Variants in GRIK2 observed in about 807,000 individuals in gnomAD.
GRIK2 encodes the protein glutamate ionotropic receptor kainate type subunit 2.
GRIK2 carries 32 observed loss-of-function variants against 100.3 expected under a neutral mutation model. That is an observed-to-expected ratio of 0.32 (90% CI 0.24 to 0.43). GRIK2 has a LOEUF of 0.43. Ranked by LOEUF, GRIK2 falls within the 20% of genes least tolerant of loss-of-function variation. GRIK2 has a pLI of 1.00. For missense variants in GRIK2, 843 were observed against 1,114.9 expected (o/e 0.76, Z 3.47); for synonymous variants, 417 against 389.4 (o/e 1.07, Z -0.83).
chr6:101,858,376 A>ATT (rs66505184), intron 10 of GRIK2, among the ~76,000 whole-genome samples: 33 of 125,440 alleles, frequency 2.6e-4, no homozygotes, highest in South Asian at 2.3e-3. Context: ...CTCTCTCTCT[A>ATT]TTTTTTTTTC....
intron 7 of GRIK2, among the ~76,000 whole-genome samples, chr6:101,735,298 C>T (rs1562344436): frequency 6.6e-6 from 1 of 152,144 alleles, no homozygotes. Context: ...GAGGTACCAT[C>T]AACTTTTTTT....
intron 13 of GRIK2, among the ~76,000 whole-genome samples, chr6:101,925,173 T>C (rs1200357744): frequency 1.3e-5 from 2 of 152,168 alleles, no homozygotes; most frequent in African/African-American, 2.4e-5. Flanking sequence ...TTACTGCCTA[T>C]AAATTTGAAG....
chr6:101,528,635 G>A (rs1441207847), intron 2 of GRIK2, among the ~76,000 whole-genome samples: 1 of 152,088 alleles, frequency 6.6e-6, no homozygotes, highest in Non-Finnish European at 1.5e-5. Flanking sequence ...ACTGGCTCAG[G>A]CTCACTTTCG....
rs949458462 is a variant in GRIK2 at position 101,737,891 on chromosome 6, T to G, written c.951+51538T>G. Among the ~76,000 whole-genome samples, 8 of 152,292 alleles carry G rather than the reference T, an allele frequency of 5.3e-5. No individual in the cohort carries two copies. In the East Asian group the frequency reaches 1.5e-3, roughly 29 times the overall value. ...AACAAAAATCAATTCATGTCAGAATTGATTAAAATCAGGAAACATTTTCAA... is the reference window on the plus strand; with the variant it reads ...AACAAAAATCAATTCATGTCAGAATGGATTAAAATCAGGAAACATTTTCAA... On this transcript the variant is annotated intron_variant, in intron 7 of 16. Transcript: ENST00000369134.
intron 2 of GRIK2, among the ~76,000 whole-genome samples, chr6:101,493,829 G>T (rs1773268345): frequency 1.3e-5 from 2 of 150,022 alleles, no homozygotes; most frequent in Admixed American, 6.7e-5. Flanking sequence ...TAAAATGGGT[G>T]GTCATCAAGC....
chr6:101,607,980 TGCCA>T (rs1351241306), intron 2 of GRIK2, among the ~76,000 whole-genome samples: 1 of 151,664 alleles, frequency 6.6e-6, no homozygotes, highest in Non-Finnish European at 1.5e-5. Flanking sequence ...TCATTGTCTT[TGCCA>T]GTACCAGCTT....
intron 11 of GRIK2, among the ~76,000 whole-genome samples, chr6:101,881,867 A>G (rs1305086815): frequency 6.6e-6 from 1 of 152,048 alleles, no homozygotes; most frequent in Non-Finnish European, 1.5e-5. Flanking sequence ...AAATAAATAA[A>G]TAAGTAAATA....
At chr6:101,780,714 G>C (rs1270818498) in intron 7 of GRIK2, among the ~76,000 whole-genome samples, 1 of 152,036 alleles carries the variant, frequency 6.6e-6, no homozygotes, top group East Asian at 1.9e-4. Flanking sequence ...AAAGAGTCAA[G>C]GCAAGGAATT....
At position 101,822,479 on chromosome 6, in the gene GRIK2, C is replaced by T. The variant is rs191797339; in HGVS notation, c.1317+3996C>T. 1.9e-3 allele frequency among the ~76,000 whole-genome samples: 284 copies of T among 151,908 alleles called. 1 individual carries two copies. Among genetic ancestry groups the T allele is most frequent in the South Asian group, 5.2e-3 (25 of 4,800 alleles). On this transcript the variant is annotated intron_variant, in intron 10 of 16. Transcript: ENST00000369134. ...AACAGCATATTCAAGCATCCTAAAG[C>T]GGGAAAGGGCTTGGAAAATTTTGTG... is the stretch of plus-strand genomic sequence containing the variant.
chr6:101,475,922 C>T (rs1010940932), intron 2 of GRIK2, among the ~76,000 whole-genome samples: 1 of 151,920 alleles, frequency 6.6e-6, no homozygotes, highest in Non-Finnish European at 1.5e-5. Context: ...AGGATAAATA[C>T]TTTTAGATGC....
chr6:101,520,006 G>A (rs1048293129), intron 2 of GRIK2, among the ~76,000 whole-genome samples: 1 of 152,048 alleles, frequency 6.6e-6, no homozygotes, highest in Non-Finnish European at 1.5e-5. Flanking sequence ...TACATGAGAA[G>A]GACATCTATC....
rs561963399 is a variant in GRIK2, at chr6:101,473,846, A to G, written c.115+74454A>G. Among the ~76,000 whole-genome samples, 50 of 152,056 alleles carry G rather than the reference A, an allele frequency of 3.3e-4. 1 individual carries two copies. The South Asian group carries it at 9.5e-3, about 29-fold the overall frequency. On this transcript the variant is annotated intron_variant, in intron 2 of 16. Coordinates refer to ENST00000369134, the MANE Select transcript of GRIK2 (RefSeq NM_021956.5). ...TAAATAGAAGGCACAAAAAATGAAC[A>G]GCAGATGTTGCTTTTTTGTATTTTG... is the stretch of plus-strand genomic sequence containing the variant.
chr6:101,612,717 TGTG>T (rs1779733723), intron 2 of GRIK2, among the ~76,000 whole-genome samples: 1 of 38,484 alleles, frequency 2.6e-5, no homozygotes, highest in Non-Finnish European at 4.6e-5. Context: ...TATGTGTTAA[TGTG>T]TGTGTGTGTG....
intron 16 of GRIK2, among the ~76,000 whole-genome samples, chr6:102,064,420 T>TTCTC (rs938609989): frequency 6.7e-6 from 1 of 148,888 alleles, no homozygotes; most frequent in Admixed American, 6.8e-5. Context: ...CCTCCTTTCT[T>TTCTC]TCTTTCTCTC....
At chr6:101,546,382 A>G (rs1776233979) in intron 2 of GRIK2, among the ~76,000 whole-genome samples, 1 of 152,136 alleles carries the variant, frequency 6.6e-6, no homozygotes, top group Admixed American at 6.6e-5. Flanking sequence ...TTATTTGAGA[A>G]TTTTCTATAT....
chr6:102,023,131 A>G (rs1769520064), intron 14 of GRIK2, among the ~76,000 whole-genome samples: 1 of 151,484 alleles, frequency 6.6e-6, no homozygotes, highest in Non-Finnish European at 1.5e-5. Flanking sequence ...GATCATTGGC[A>G]TATTTTCTCA....
Position 101,464,497 on chromosome 6 carries a change from C to CTTTTTTTTTTTTTTTTT in GRIK2, c.115+65127_115+65143dup, listed in dbSNP as rs71028069. Among the ~76,000 whole-genome samples, 15 of 62,038 alleles carry CTTTTTTTTTTTTTTTTT rather than the reference C, an allele frequency of 2.4e-4. 1 individual carries two copies. Among genetic ancestry groups the CTTTTTTTTTTTTTTTTT allele is most frequent in the Non-Finnish European group, 4.1e-4 (14 of 33,790 alleles). 40.7% of individuals were successfully genotyped at this position (62,038 alleles called of 152,430 possible). A position where few individuals can be genotyped will look rare whatever the true frequency, so the allele number is the denominator to read the frequency against. On this transcript the variant is annotated intron_variant, in intron 2 of 16. Coordinates refer to ENST00000369134, the MANE Select transcript of GRIK2 (RefSeq NM_021956.5). The stretch of plus-strand genomic sequence containing the variant: ...TAATTTTTACCTTTTCTTTTTCTTT[C>CTTTTTTTTTTTTTTTTT]TTTTTTTTTTTTTTTTTTTTTTTTT...
At chr6:101,578,136 G>A (rs7741281) in intron 2 of GRIK2, among the ~76,000 whole-genome samples, 13,371 of 152,186 alleles carry the variant, frequency 0.088, 1,576 homozygotes, top group African/African-American at 0.27. Flanking sequence ...ATTTTCAACA[G>A]TGCATTTCAT....
intron 4 of GRIK2, among the ~76,000 whole-genome samples, chr6:101,648,593 T>C (rs1023650013): frequency 2.0e-5 from 3 of 152,094 alleles, no homozygotes; most frequent in Non-Finnish European, 4.4e-5. Context: ...CCATGCACCA[T>C]GCTATTCACT....
Sources: allele counts gnomAD v4.1 joint callset (sites outside exome capture counted in the v4.1 genomes callset), GRCh38; gene constraint gnomAD v4.1.1; transcripts MANE v1.5; gene names NCBI Gene and HGNC (gene_info 2026-07-23, HGNC 2026-07-21).